The following NFX1 variants were observed in gnomAD, a reference collection of about 807,000 sequenced individuals.
The protein encoded by NFX1 is nuclear transcription factor, X-box binding 1, also known as transcriptional repressor NF-X1.
Under a neutral mutation model 137.2 loss-of-function variants are expected in NFX1, and 69 were observed. The observed-to-expected ratio is 0.50, with a 90% confidence interval of 0.41 to 0.61. The LOEUF is 0.61. Ranked by LOEUF, NFX1 falls within the 20% of genes least tolerant of loss-of-function variation. The probability of loss-of-function intolerance (pLI) is 0.00; values close to 1 mark genes in which losing one functional copy is unlikely to be tolerated. For missense variants in NFX1, 1,167 were observed against 1,391.0 expected (o/e 0.84, Z 2.56); for synonymous variants, 495 against 474.1 (o/e 1.04, Z -0.57).
intron 14 of NFX1, among the ~76,000 whole-genome samples, chr9:33,346,676 TAGCAAAGATATCTG>T (rs1415854610): frequency 6.6e-6 from 1 of 152,160 alleles, no homozygotes; most frequent in Non-Finnish European, 1.5e-5. Flanking sequence ...ATGGAATTAA[TAGCAAAGATATCTG>T]AGCAGAAGTG....
At chr9:33,336,220 G>C (rs943199897) in intron 11 of NFX1, among the ~76,000 whole-genome samples, 1 of 151,490 alleles carries the variant, frequency 6.6e-6, no homozygotes, top group Admixed American at 6.6e-5. Flanking sequence ...GGTTTTTTTG[G>C]TTTTTGTTTT....
At chr9:33,309,814 G>T (rs1262331279) in intron 5 of NFX1, among the ~76,000 whole-genome samples, 5 of 152,132 alleles carry the variant, frequency 3.3e-5, no homozygotes, top group Non-Finnish European at 7.3e-5. Context: ...ATTTTTAAAA[G>T]CTCTCCAGGC....
Position 33,351,733 on chromosome 9 carries a change from G to C in NFX1, c.2598G>C (p.Pro866=). 1.2e-6 allele frequency: 2 copies of C among 1,612,406 alleles called. No homozygotes were observed. The highest frequency in any genetic ancestry group is 8.5e-7 in the Non-Finnish European group (1 of 1,179,214). The change falls in exon 16 of 24, where the codon CCG becomes CCC. Residue 866 remains proline, a synonymous_variant. Transcript: ENST00000379540. The part of the protein sequence containing the change: ...CTTPRADCGH[P]CMAPCHTSSP... ...CCCCCAGAGCTGACTGTGGTCACCC[G>C]TGTATGGCACCCTGCCATACCAGCT... is the stretch of plus-strand genomic sequence containing the variant.
chr9:33,295,711 G>A (rs1340574860), intron 2 of NFX1, among the ~76,000 whole-genome samples: 1 of 152,160 alleles, frequency 6.6e-6, no homozygotes, highest in Non-Finnish European at 1.5e-5. Flanking sequence ...AAATACGGGT[G>A]GTGTAGATGT....
At chr9:33,326,393 A>T (rs1250747560) in intron 9 of NFX1, among the ~76,000 whole-genome samples, 6 of 150,148 alleles carry the variant, frequency 4.0e-5, no homozygotes, top group Non-Finnish European at 5.9e-5. Flanking sequence ...AGCCTGGGCA[A>T]CAGAGCAAGC....
chr9:33,302,780 C>A (rs1006643998), intron 3 of NFX1, among the ~76,000 whole-genome samples: 42 of 151,730 alleles, frequency 2.8e-4, no homozygotes, highest in African/African-American at 1.0e-3. Flanking sequence ...AGTGATTCTT[C>A]TGCCTCAGCC....
intron 21 of NFX1, chr9:33,365,678 C>G (rs1227836015): frequency 1.3e-5 from 2 of 152,238 alleles, no homozygotes; most frequent in Admixed American, 1.3e-4. Context: ...TGAAGAAACT[C>G]TGGGTGAGGG....
At chr9:33,339,709 G>A (rs1051460215) in intron 12 of NFX1, among the ~76,000 whole-genome samples, 5 of 152,212 alleles carry the variant, frequency 3.3e-5, no homozygotes, top group Non-Finnish European at 7.3e-5. Context: ...AAGCAAATTA[G>A]TTACTTCCTA....
At chr9:33,315,156 C>T (rs1451027654) in intron 7 of NFX1, among the ~76,000 whole-genome samples, 4 of 147,852 alleles carry the variant, frequency 2.7e-5, no homozygotes, top group East Asian at 2.0e-4. Context: ...ACCTGGGAGG[C>T]GGAGGTTGCA....
chr9:33,346,928 CCA>C (rs1176575996), intron 14 of NFX1, 108 bp from the exon 15 acceptor site: 30 of 700,318 alleles, frequency 4.3e-5, no homozygotes, highest in Admixed American at 1.2e-4. Context: ...AAAAGTACTC[CCA>C]GTTTCTGAAT....
chr9:33,301,148 A>G, intron 2 of NFX1, 115 bp from the exon 3 acceptor site: 1 of 971,500 alleles, frequency 1.0e-6, no homozygotes, highest in Non-Finnish European at 1.5e-6. Flanking sequence ...TATCCCTTAA[A>G]ATCTCTGTGT....
intron 10 of NFX1, 110 bp downstream of exon 10, chr9:33,328,788 T>C (rs796527293): frequency 9.4e-6 from 8 of 847,628 alleles, no homozygotes; most frequent in East Asian, 7.8e-5. Context: ...TGGGAAGTGG[T>C]TGTGGCACTC....
chr9:33,313,879 T>G, intron 7 of NFX1, 86 bp downstream of exon 7: 1 of 1,423,226 alleles, frequency 7.0e-7, no homozygotes, highest in Non-Finnish European at 9.7e-7. Context: ...TTGATTGGTG[T>G]CAGACTTTTA....
At chr9:33,339,821 G>A (rs887407514) in intron 12 of NFX1, among the ~76,000 whole-genome samples, 4 of 152,236 alleles carry the variant, frequency 2.6e-5, no homozygotes, top group African/African-American at 4.8e-5. Context: ...CCGAAATTCA[G>A]TGGGGCAGTC....
chr9:33,308,246 A>G (rs1821832455), intron 5 of NFX1, among the ~76,000 whole-genome samples: 1 of 152,190 alleles, frequency 6.6e-6, no homozygotes, highest in Admixed American at 6.5e-5. Context: ...GTTCTAGACC[A>G]GACTAGGCAA....
Position 33,328,600 on chromosome 9 carries a change from A to G in NFX1, c.1926A>G (p.Glu642=), listed in dbSNP as rs771461348. The G allele has an allele frequency of 1.2e-6, 2 of 1,610,938 alleles. No individual in the cohort carries two copies. The highest frequency in any genetic ancestry group is 1.3e-5 in the African/African-American group (1 of 75,024). ...CGSLDFIHTC[E]KLCHEGDCGP... ...TTAAAGATTTCATTCATACCTGTGAAAAGCTCTGCCATGAAGGAGACTGTG... is the reference window on the plus strand; with the variant it reads ...TTAAAGATTTCATTCATACCTGTGAGAAGCTCTGCCATGAAGGAGACTGTG... The change falls in exon 10 of 24, where the codon GAA becomes GAG. Residue 642 remains glutamate, a synonymous_variant. Transcript: ENST00000379540.
At chr9:33,366,212 T>A (rs914784046) in intron 21 of NFX1, among the ~76,000 whole-genome samples, 3 of 152,176 alleles carry the variant, frequency 2.0e-5, no homozygotes, top group Non-Finnish European at 2.9e-5. Context: ...TCTCTGCTTG[T>A]GTGTCTGTAT....
intron 11 of NFX1, among the ~76,000 whole-genome samples, chr9:33,336,567 A>G (rs757607292): frequency 6.6e-6 from 1 of 152,158 alleles, no homozygotes; most frequent in East Asian, 1.9e-4. Context: ...TATCACTACC[A>G]CATGATGTGA....
intron 7 of NFX1, among the ~76,000 whole-genome samples, chr9:33,315,007 T>C (rs1822103996): frequency 6.6e-6 from 1 of 152,228 alleles, no homozygotes; most frequent in Non-Finnish European, 1.5e-5. Context: ...TTTATGTTTT[T>C]GATGTTTTCA....
Sources: gnomAD v4.1 joint callset for allele counts (sites outside exome capture counted in the v4.1 genomes callset) on GRCh38, gnomAD v4.1.1 for gene constraint, MANE v1.5 for transcripts, NCBI Gene and HGNC (gene_info 2026-07-23, HGNC 2026-07-21) for gene names.